Variants in DLGAP4 observed in about 807,000 individuals in gnomAD.
DLGAP4 encodes DLG associated protein 4.
DLGAP4 carries 18 observed loss-of-function variants against 86.9 expected under a neutral mutation model. That is an observed-to-expected ratio of 0.21 (90% CI 0.14 to 0.31). The LOEUF is 0.31. Ranked by LOEUF, DLGAP4 falls within the 10% of genes least tolerant of loss-of-function variation. The pLI is 1.00. For synonymous variants in DLGAP4, 548 were observed against 574.3 expected, an observed-to-expected ratio of 0.95 and a Z score of 0.65; for missense variants, 1,085 against 1,362.6, an observed-to-expected ratio of 0.80 and a Z score of 3.21.
At chr20:36,437,111 C>T (rs1462355187) in intron 4 of DLGAP4, among the ~76,000 whole-genome samples, 1 of 152,222 alleles carries the variant, frequency 6.6e-6, no homozygotes, top group African/African-American at 2.4e-5. Context: ...GAACTCACTA[C>T]TATAATGATC....
At chr20:36,464,003 A>G (rs924646338) in intron 7 of DLGAP4, among the ~76,000 whole-genome samples, 1 of 152,216 alleles carries the variant, frequency 6.6e-6, no homozygotes, top group Non-Finnish European at 1.5e-5. Context: ...TCATGCTGTT[A>G]TCACCTGCCC....
chr20:36,403,056 C>T (rs1189452270), intron 2 of DLGAP4, among the ~76,000 whole-genome samples: 1 of 152,192 alleles, frequency 6.6e-6, no homozygotes, highest in African/African-American at 2.4e-5. Context: ...GGCTGTGTAG[C>T]TGGCAGAAGA....
intron 2 of DLGAP4, among the ~76,000 whole-genome samples, chr20:36,423,970 G>A (rs946090170): frequency 1.3e-5 from 2 of 151,974 alleles, no homozygotes; most frequent in Non-Finnish European, 2.9e-5. Flanking sequence ...AAAAAAAACC[G>A]AAAACGGATC....
intron 1 of DLGAP4, among the ~76,000 whole-genome samples, chr20:36,312,042 T>C (rs1242086276): frequency 9.9e-5 from 15 of 152,100 alleles, no homozygotes; most frequent in Non-Finnish European, 2.1e-4. Context: ...TTGGACTCAG[T>C]GGCTGCTCTG....
At chr20:36,476,974 T>A (rs1054910976) in intron 7 of DLGAP4, among the ~76,000 whole-genome samples, 2 of 151,662 alleles carry the variant, frequency 1.3e-5, no homozygotes, top group Non-Finnish European at 2.9e-5. Flanking sequence ...ATTACAGGCG[T>A]GAGCTACCAT....
chr20:36,376,545 A>G (rs185237466), intron 2 of DLGAP4, among the ~76,000 whole-genome samples: 2 of 152,338 alleles, frequency 1.3e-5, no homozygotes, highest in East Asian at 3.9e-4. Context: ...CAGGTAGGAC[A>G]GGACCATAAG....
In DLGAP4 at chr20:36,382,527, C is replaced by CTTTTTTTTT. The variant is rs749210064; in HGVS notation, c.-73+15264_-73+15272dup. Among the ~76,000 whole-genome samples the CTTTTTTTTT allele has an allele frequency of 3.3e-3, 366 of 110,452 alleles. 1 individual carries two copies. The highest frequency in any genetic ancestry group is 4.3e-3 in the Non-Finnish European group (241 of 55,454). 72.5% of individuals were successfully genotyped at this position (110,452 alleles called of 152,430 possible). ...CTTTTCTTTCTTTCTTTCTTTTTTT[C>CTTTTTTTTT]TTTTTTTTTTTTTTTTTTTTGAGAC... On this transcript the variant is annotated intron_variant, in intron 2 of 12. Transcript: ENST00000339266.
chr20:36,331,804 C>T lies in DLGAP4; in HGVS notation c.-304+25292C>T, dbSNP rs1457968648. Among the ~76,000 whole-genome samples the T allele has an allele frequency of 2.6e-5, 4 of 152,230 alleles. No individual in the cohort carries two copies. In the East Asian group the frequency reaches 5.8e-4, roughly 22 times the overall value. ...AGAGCAGCAGGGTGACAGGTGTCTG[C>T]TGGGGTGGTCAGGGAGGGCCTCTCT... On this transcript the variant is annotated intron_variant, in intron 1 of 12. Coordinates refer to ENST00000339266, the MANE Select transcript of DLGAP4 (RefSeq NM_001365621.2).
chr20:36,360,119 C>T (rs1172765881), intron 1 of DLGAP4, among the ~76,000 whole-genome samples: 1 of 152,208 alleles, frequency 6.6e-6, no homozygotes, highest in Non-Finnish European at 1.5e-5. Context: ...AAGAGATATA[C>T]TATGTGTATG....
At chr20:36,443,723 C>G (rs1228484030) in intron 6 of DLGAP4, among the ~76,000 whole-genome samples, 1 of 152,114 alleles carries the variant, frequency 6.6e-6, no homozygotes, top group Admixed American at 6.5e-5. Context: ...GATACACATA[C>G]CAGCAGCGCT....
chr20:36,347,037 C>G (rs972244033), intron 1 of DLGAP4, among the ~76,000 whole-genome samples: 1 of 152,210 alleles, frequency 6.6e-6, no homozygotes, highest in South Asian at 2.1e-4. Context: ...CAGTCTTTTC[C>G]TCCTTCCTGA....
At chr20:36,337,864 G>A (rs1555892213) in intron 1 of DLGAP4, among the ~76,000 whole-genome samples, 3 of 152,206 alleles carry the variant, frequency 2.0e-5, no homozygotes, top group African/African-American at 7.2e-5. Flanking sequence ...CAGCCTGCTG[G>A]GCACCCACAG....
chr20:36,499,137 G>A (rs912446387), intron 8 of DLGAP4: 19 of 1,166,862 alleles, frequency 1.6e-5, no homozygotes, highest in Non-Finnish European at 2.3e-5. Context: ...CAAGACAGCC[G>A]CCAGCTTCAA....
At chr20:36,345,226 A>G (rs2029898116) in intron 1 of DLGAP4, among the ~76,000 whole-genome samples, 1 of 152,176 alleles carries the variant, frequency 6.6e-6, no homozygotes. Flanking sequence ...AGGCAAAGGG[A>G]CCATCTTCAG....
At chr20:36,453,554 A>C (rs1201232897) in intron 7 of DLGAP4, among the ~76,000 whole-genome samples, 1 of 151,924 alleles carries the variant, frequency 6.6e-6, no homozygotes, top group Non-Finnish European at 1.5e-5. Context: ...GATTTGCTTA[A>C]GCCTGGGAGG....
At chr20:36,338,379 T>C (rs1429735110) in intron 1 of DLGAP4, among the ~76,000 whole-genome samples, 3 of 152,016 alleles carry the variant, frequency 2.0e-5, no homozygotes, top group African/African-American at 4.8e-5. Context: ...CTGAGCAACA[T>C]GGAGAAACCC....
intron 7 of DLGAP4, among the ~76,000 whole-genome samples, chr20:36,449,441 G>A (rs1054219827): frequency 1.5e-4 from 23 of 152,178 alleles, no homozygotes; most frequent in African/African-American, 4.6e-4. Flanking sequence ...AGACTGGCCC[G>A]CTACAGCCTT....
intron 10 of DLGAP4, among the ~76,000 whole-genome samples, chr20:36,505,814 T>A (rs966616699): frequency 6.6e-6 from 1 of 151,978 alleles, no homozygotes; most frequent in Non-Finnish European, 1.5e-5. Context: ...AAAATATACT[T>A]ACTGTTCATT....
chr20:36,416,416 C>T lies in DLGAP4; in HGVS notation c.-72-15230C>T, dbSNP rs974484372. 1.1e-4 allele frequency among the ~76,000 whole-genome samples: 16 copies of T among 152,252 alleles called. 1 individual carries two copies. Among genetic ancestry groups the T allele is most frequent in the Non-Finnish European group, 1.8e-4 (12 of 68,046 alleles). On this transcript the variant is annotated intron_variant, in intron 2 of 12. Transcript: ENST00000339266. ...GGATTACAGGCGTGAGCCACGCACC[C>T]GGCCTAAACCATGACATTTTTGAGA...
Sources: gnomAD v4.1 joint callset for allele counts (sites outside exome capture counted in the v4.1 genomes callset) on GRCh38, gnomAD v4.1.1 for gene constraint, MANE v1.5 for transcripts, NCBI Gene and HGNC (gene_info 2026-07-23, HGNC 2026-07-21) for gene names.